OR2B11: variants seen among roughly 807,000 people sequenced by gnomAD.
The protein encoded by OR2B11 is olfactory receptor 2B11.
For missense variants in OR2B11, 422 were observed against 400.0 expected, an observed-to-expected ratio of 1.05 and a Z score of -0.47; for synonymous variants, 198 against 174.5, an observed-to-expected ratio of 1.13 and a Z score of -1.06.
rs769171531 is a variant in OR2B11, at chr1:247,451,207, G to A, written c.776C>T (p.Ala259Val). 92 of 1,584,328 alleles carry A rather than the reference G, an allele frequency of 5.8e-5. No individual in the cohort carries two copies. Among genetic ancestry groups the A allele is most frequent in the East Asian group, 4.5e-4 (20 of 44,496 alleles). Residue 259 changes from alanine (A) to valine (V), a missense_variant, in exon 2 of 2, where the codon GCG (alanine) becomes GTG (valine). Ala to Val is a moderately conservative substitution (Grantham distance 64). Coordinates refer to ENST00000641149, the MANE Select transcript of OR2B11 (RefSeq NM_001004492.2). ...AGGGGGCTGCAGATACATGTAAATC[G>A]CAGGTAGGTAGAAGAGGGAGACGAT... ...LMIVSLFYLP[A>V]IYMYLQPPSS...
In OR2B11 at chr1:247,452,678, C is replaced by T. The variant is rs1664875053; in HGVS notation, c.-696G>A. On this transcript the variant is annotated 5_prime_UTR_variant, in exon 2 of 2. Transcript: ENST00000641149. Reference sequence around the variant, plus strand: ...GCACAATTCTAGGTCCTGTGAGTCTCTGGAGTGGAAGAGCCAAGGTATACG... The same window carrying T: ...GCACAATTCTAGGTCCTGTGAGTCTTTGGAGTGGAAGAGCCAAGGTATACG... 1 of 153,158 alleles carries T rather than the reference C, an allele frequency of 6.5e-6. No individual in the cohort carries two copies. Among genetic ancestry groups the T allele is most frequent in the South Asian group, 2.1e-4 (1 of 4,828 alleles). The allele number at this position is 153,158 out of a possible 1,614,324, so 9.5% of individuals were successfully genotyped here.
In OR2B11 at chr1:247,452,096, G is replaced by A. The variant is rs935165137; in HGVS notation, c.-114C>T. ...TGCATCCACTCTTCCTTTCCCAGGTGATAGCCTGTTTGATTCTCCTTACCT... is the reference window on the plus strand; with the variant it reads ...TGCATCCACTCTTCCTTTCCCAGGTAATAGCCTGTTTGATTCTCCTTACCT... On this transcript the variant is annotated 5_prime_UTR_variant, in exon 2 of 2. Coordinates refer to ENST00000641149, the MANE Select transcript of OR2B11 (RefSeq NM_001004492.2). The A allele has an allele frequency of 1.4e-4, 100 of 690,314 alleles. 1 individual carries two copies. The highest frequency in any genetic ancestry group is 2.5e-4 in the South Asian group (14 of 55,622). The allele number at this position is 690,314 out of a possible 1,614,324, so 42.8% of individuals were successfully genotyped here. A position where few individuals can be genotyped will look rare whatever the true frequency, so the allele number is the denominator to read the frequency against.
In OR2B11 at chr1:247,449,685, T is replaced by A. The variant is rs1664794494; in HGVS notation, c.*1344A>T. On this transcript the variant is annotated 3_prime_UTR_variant, in exon 2 of 2. Coordinates refer to ENST00000641149, the MANE Select transcript of OR2B11 (RefSeq NM_001004492.2). Reference sequence around the variant, plus strand: ...TAAAAAAAACCCTGAAGACTATTTTTATAAGGGAAACAGTATGAGATTTAC... The same window carrying A: ...TAAAAAAAACCCTGAAGACTATTTTAATAAGGGAAACAGTATGAGATTTAC... The A allele has an allele frequency of 2.0e-5, 3 of 152,352 alleles. No individual in the cohort carries two copies. In the South Asian group the frequency reaches 6.2e-4, roughly 32 times the overall value. The allele number at this position is 152,352 out of a possible 1,614,324, so 9.4% of individuals were successfully genotyped here.
In OR2B11 at chr1:247,449,581, G is replaced by A. The variant is rs143956244; in HGVS notation, c.*1448C>T. 1.6e-3 allele frequency: 248 copies of A among 152,214 alleles called. No homozygotes were observed. The highest frequency in any genetic ancestry group is 5.8e-3 in the African/African-American group (239 of 41,504). 9.4% of individuals were successfully genotyped at this position (152,214 alleles called of 1,614,324 possible). ...CTTTGCTACTCAAAGTGTAGTCTATGAACTGTCGATATAAGGAGCTTGTAT... is the reference window on the plus strand; with the variant it reads ...CTTTGCTACTCAAAGTGTAGTCTATAAACTGTCGATATAAGGAGCTTGTAT... On this transcript the variant is annotated 3_prime_UTR_variant, in exon 2 of 2. Transcript: ENST00000641149.
chr1:247,450,836 C>A lies in OR2B11; in HGVS notation c.*193G>T. ...TAAACAATGCTTAAAAATATATGGCCTCTTAGAATTATACGTTTAAAATGA... is the reference window on the plus strand; with the variant it reads ...TAAACAATGCTTAAAAATATATGGCATCTTAGAATTATACGTTTAAAATGA... On this transcript the variant is annotated 3_prime_UTR_variant, in exon 2 of 2. Coordinates refer to ENST00000641149, the MANE Select transcript of OR2B11 (RefSeq NM_001004492.2). 1 of 415,134 alleles carries A rather than the reference C, an allele frequency of 2.4e-6. No individual in the cohort carries two copies. The highest frequency in any genetic ancestry group is 4.3e-6 in the Non-Finnish European group (1 of 234,490). The allele number at this position is 415,134 out of a possible 1,614,324, so 25.7% of individuals were successfully genotyped here.
Position 247,451,367 on chromosome 1 carries a change from G to A in OR2B11, c.616C>T (p.Leu206=), listed in dbSNP as rs1179710450. ...GGCACCAACACGAAGAAGGCCACCA[G>A]CACAGCCAGTATGGTGTCATTCACA... is the stretch of plus-strand genomic sequence containing the variant. ...TAVNDTILAV[L]VAFFVLVPLA... is the part of the protein sequence containing the mutation. The change falls in exon 2 of 2, where the codon CTG becomes TTG. Residue 206 remains leucine, a synonymous_variant. Transcript: ENST00000641149. 1 of 1,614,194 alleles carries A rather than the reference G, an allele frequency of 6.2e-7. No homozygotes were observed. The highest frequency in any genetic ancestry group is 8.5e-7 in the Non-Finnish European group (1 of 1,180,028).
Position 247,451,163 on chromosome 1 carries a change from G to C in OR2B11, c.820C>G (p.Gln274Glu). The C allele has an allele frequency of 6.5e-7, 1 of 1,548,356 alleles. No homozygotes were observed. The highest frequency in any genetic ancestry group is 1.4e-5 in the African/African-American group (1 of 73,106). Reference sequence around the variant, plus strand: ...TAGAAGAGAGAAATAAATTTGCCCTGCTCTTGGGAGTAGCTGGAAGGGGGC... The same window carrying C: ...TAGAAGAGAGAAATAAATTTGCCCTCCTCTTGGGAGTAGCTGGAAGGGGGC... ...LQPPSSYSQE[Q>E]GKFISLFYSI... The change falls in exon 2 of 2, where the codon CAG (glutamine) becomes GAG (glutamate). Residue 274 changes from glutamine (Q) to glutamate (E), a missense_variant. Coordinates refer to ENST00000641149, the MANE Select transcript of OR2B11 (RefSeq NM_001004492.2).
chr1:247,450,676 C>T lies in OR2B11; in HGVS notation c.*353G>A, dbSNP rs74154652. The stretch of plus-strand genomic sequence containing the variant: ...GTAAAATAAGATTGTATTTCAGCTT[C>T]ATCTTGTGTATACTTAGGAGTAATA... On this transcript the variant is annotated 3_prime_UTR_variant, in exon 2 of 2. Transcript: ENST00000641149. 0.029 allele frequency: 5,084 copies of T among 174,576 alleles called. 275 individuals are homozygous for T. The highest frequency in any genetic ancestry group is 0.11 in the African/African-American group (4,771 of 42,508). 10.8% of individuals were successfully genotyped at this position (174,576 alleles called of 1,614,324 possible).
In OR2B11 at chr1:247,449,525, C is replaced by T. The variant is rs1278613498; in HGVS notation, c.*1504G>A. On this transcript the variant is annotated 3_prime_UTR_variant, in exon 2 of 2. Coordinates refer to ENST00000641149, the MANE Select transcript of OR2B11 (RefSeq NM_001004492.2). ...TTGCTCAGGATGGAAATACTATTTCCTCTGTACAATTAGCCATCAAAGTAG... is the reference window on the plus strand; with the variant it reads ...TTGCTCAGGATGGAAATACTATTTCTTCTGTACAATTAGCCATCAAAGTAG... 1 of 152,156 alleles carries T rather than the reference C, an allele frequency of 6.6e-6. No individual in the cohort carries two copies. The highest frequency in any genetic ancestry group is 1.9e-4 in the East Asian group (1 of 5,198). The allele number at this position is 152,156 out of a possible 1,614,324, so 9.4% of individuals were successfully genotyped here.
rs12135709 is a variant in OR2B11 at position 247,454,769 on chromosome 1, C to G, written c.-2787G>C. On this transcript the variant is annotated 5_prime_UTR_variant, in exon 2 of 2. Transcript: ENST00000641149. ...GCACTGTCTGTATCCTCACCACTGC[C>G]GTCCTGGGCAGAAACGCCCACCAGG... is the stretch of plus-strand genomic sequence containing the variant. 114,275 of 152,154 alleles carry G rather than the reference C, an allele frequency of 0.75. 43,231 individuals carry two copies. The highest frequency in any genetic ancestry group is 0.94 in the East Asian group (4,848 of 5,162). 9.4% of individuals were successfully genotyped at this position (152,154 alleles called of 1,614,324 possible). A position where few individuals can be genotyped will look rare whatever the true frequency, so the allele number is the denominator to read the frequency against.
Position 247,452,718 on chromosome 1 carries a change from G to A in OR2B11, c.-736C>T, listed in dbSNP as rs1196960222. On this transcript the variant is annotated 5_prime_UTR_variant, in exon 2 of 2. Coordinates refer to ENST00000641149, the MANE Select transcript of OR2B11 (RefSeq NM_001004492.2). ...CAAGGTATACGTTACTTCAGCCCCT[G>A]AATAGGTCATGGTAGTTAATGAGAC... The A allele has an allele frequency of 6.6e-6, 1 of 152,598 alleles. No homozygotes were observed. The highest frequency in any genetic ancestry group is 6.5e-5 in the Admixed American group (1 of 15,290). 9.5% of individuals were successfully genotyped at this position (152,598 alleles called of 1,614,324 possible).
At chr1:247,456,239 T>C (rs1170673370) in intron 1 of OR2B11, among the ~76,000 whole-genome samples, 1 of 152,224 alleles carries the variant, frequency 6.6e-6, no homozygotes, top group Non-Finnish European at 1.5e-5. Context: ...AATTACTTCC[T>C]CATAAGCCTC....
chr1:247,451,601 C>T lies in OR2B11; in HGVS notation c.382G>A (p.Val128Met), dbSNP rs375546848. ...TAGTGCAGGGGCTTGCAGATGGCCA[C>T]GTAGCGGTCCAGGGCCATGGCGGCC... Reference protein sequence around the residue: ...VLAAMALDRYVAICKPLHYAV... With the variant: ...VLAAMALDRYMAICKPLHYAV... Residue 128 changes from valine to methionine, a missense_variant, in exon 2 of 2, where the codon GTG becomes ATG. By Grantham distance (21) the Val-to-Met change is conservative. Coordinates refer to ENST00000641149, the MANE Select transcript of OR2B11 (RefSeq NM_001004492.2). The T allele has an allele frequency of 1.4e-5, 22 of 1,613,794 alleles. No individual in the cohort carries two copies. In the South Asian group the frequency reaches 1.4e-4, roughly 10 times the overall value.
Position 247,451,723 on chromosome 1 carries a change from A to G in OR2B11, c.260T>C (p.Val87Ala), listed in dbSNP as rs777146780. ...YTTTTVPQML[V>A]NMGSSQKTIS... ...GGTCTTCTGGGAACTGCCCATGTTGACCAGCATCTGAGGGACTGTCGTGGT... is the reference window on the plus strand; with the variant it reads ...GGTCTTCTGGGAACTGCCCATGTTGGCCAGCATCTGAGGGACTGTCGTGGT... The change falls in exon 2 of 2, where the codon GTC becomes GCC. Residue 87 changes from valine (V) to alanine (A), a missense_variant. Transcript: ENST00000641149. 5.5e-5 allele frequency: 88 copies of G among 1,614,032 alleles called. No homozygotes were observed. Among genetic ancestry groups the G allele is most frequent in the African/African-American group, 5.3e-5 (4 of 74,932 alleles).
In OR2B11 at chr1:247,449,985, AT is replaced by A. The variant is rs1664801610; in HGVS notation, c.*1043del. 2 of 150,176 alleles carry A rather than the reference AT, an allele frequency of 1.3e-5. No homozygotes were observed. The highest frequency in any genetic ancestry group is 4.2e-4 in the South Asian group (2 of 4,778). The allele number at this position is 150,176 out of a possible 1,614,324, so 9.3% of individuals were successfully genotyped here. A position where few individuals can be genotyped will look rare whatever the true frequency, so the allele number is the denominator to read the frequency against. The stretch of plus-strand genomic sequence containing the variant: ...TATTTTTCCATGGTATATATCTCAC[AT>A]TTTCTTTTTCTTTTTTTTTTGAGAT... On this transcript the variant is annotated 3_prime_UTR_variant, in exon 2 of 2. Transcript: ENST00000641149.
chr1:247,452,014 T>A lies in OR2B11; in HGVS notation c.-32A>T, dbSNP rs768589903. ...GCATTTTCTGGCACTTGTGGCAAAT[T>A]GAGAAAATTGGAATGAATAATACCT... is the stretch of plus-strand genomic sequence containing the variant. On this transcript the variant is annotated 5_prime_UTR_variant, in exon 2 of 2. Transcript: ENST00000641149. The A allele has an allele frequency of 8.4e-5, 115 of 1,361,420 alleles. 3 individuals carry two copies. The Middle Eastern group carries it at 0.014, about 166-fold the overall frequency. 84.3% of individuals were successfully genotyped at this position (1,361,420 alleles called of 1,614,324 possible). A position where few individuals can be genotyped will look rare whatever the true frequency, so the allele number is the denominator to read the frequency against.
At chr1:247,455,527 CCTT>C (rs1441797650) in intron 1 of OR2B11, among the ~76,000 whole-genome samples, 1 of 152,194 alleles carries the variant, frequency 6.6e-6, no homozygotes, top group Admixed American at 6.5e-5. Flanking sequence ...GCCCCTTTCT[CCTT>C]ATTTGTTTGC....
In OR2B11 at chr1:247,451,460, G is replaced by T. The variant is rs1216004925; in HGVS notation, c.523C>A (p.Arg175=). 1.9e-6 allele frequency: 3 copies of T among 1,614,016 alleles called. No individual in the cohort carries two copies. Among genetic ancestry groups the T allele is most frequent in the Non-Finnish European group, 2.5e-6 (3 of 1,179,994 alleles). Residue 175 remains arginine (R), a synonymous_variant, in exon 2 of 2, where the codon CGG becomes AGG. Coordinates refer to ENST00000641149, the MANE Select transcript of OR2B11 (RefSeq NM_001004492.2). ...VLTVQLPFCG[R]QVLNNFFCEV... is the part of the protein sequence containing the mutation. ...CAGAAAAAGTTGTTCAGCACCTGCC[G>T]CCCGCAGAATGGCAATTGCACCGTC...
rs1030731671 is a variant in OR2B11 at position 247,451,609 on chromosome 1, T to A, written c.374A>T (p.Asp125Val). The change falls in exon 2 of 2, where the codon GAC becomes GTC. Residue 125 changes from aspartate to valine, a missense_variant. Coordinates refer to ENST00000641149, the MANE Select transcript of OR2B11 (RefSeq NM_001004492.2). ...ECIVLAAMAL[D>V]RYVAICKPLH... is the part of the protein sequence containing the mutation. ...GGGCTTGCAGATGGCCACGTAGCGG[T>A]CCAGGGCCATGGCGGCCAGGACGAT... is the stretch of plus-strand genomic sequence containing the variant. The A allele has an allele frequency of 6.8e-6, 11 of 1,613,920 alleles. No homozygotes were observed. Among genetic ancestry groups the A allele is most frequent in the Non-Finnish European group, 9.3e-6 (11 of 1,179,930 alleles).
Sources: allele counts gnomAD v4.1 joint callset (sites outside exome capture counted in the v4.1 genomes callset), GRCh38; gene constraint gnomAD v4.1.1; transcripts MANE v1.5; gene names NCBI Gene and HGNC (gene_info 2026-07-23, HGNC 2026-07-21).